PTPRQ: variants seen among roughly 807,000 people sequenced by gnomAD.
PTPRQ encodes protein tyrosine phosphatase receptor type Q, also known as phosphatidylinositol phosphatase PTPRQ.
Under a neutral mutation model 246.0 loss-of-function variants are expected in PTPRQ, and 199 were observed. The observed-to-expected ratio is 0.81, with a 90% CI of 0.72 to 0.91. The LOEUF is 0.91. PTPRQ is among the 40% of genes least tolerant of loss of function. The pLI is 0.00. For missense variants in PTPRQ, 2,624 were observed against 2,528.4 expected, an observed-to-expected ratio of 1.04 and a Z score of -0.81; for synonymous variants, 869 against 853.2, an observed-to-expected ratio of 1.02 and a Z score of -0.32.
At chr12:80,560,646 CACATACAT>C (rs1181658769) in intron 25 of PTPRQ, among the ~76,000 whole-genome samples, 1 of 152,146 alleles carries the variant, frequency 6.6e-6, no homozygotes, top group Non-Finnish European at 1.5e-5. Context: ...GTTTAAGATA[CACATACAT>C]ACAACACAGA....
rs1340283823 is a variant in PTPRQ at position 80,546,573 on chromosome 12, A to T, written c.3891A>T (p.Lys1297Asn). The T allele has an allele frequency of 6.5e-7, 1 of 1,548,616 alleles. No homozygotes were observed. Among genetic ancestry groups the T allele is most frequent in the African/African-American group, 1.4e-5 (1 of 73,010 alleles). ...TTTTTCAGAATATATCAGGATTTAAAACTGAAGCCAAACTTGTTGGACTGG... is the reference window on the plus strand; with the variant it reads ...TTTTTCAGAATATATCAGGATTTAATACTGAAGCCAAACTTGTTGGACTGG... ...TIYYKNISGF[K>N]TEAKLVGLEP... The change falls in exon 24 of 45, where the codon AAA becomes AAT. Residue 1297 changes from lysine (K) to asparagine (N), a missense_variant. Transcript: ENST00000644991.
At chr12:80,478,720 G>T (rs1356498447) in intron 8 of PTPRQ, among the ~76,000 whole-genome samples, 1 of 152,190 alleles carries the variant, frequency 6.6e-6, no homozygotes, top group African/African-American at 2.4e-5. Flanking sequence ...CGAGAACTAC[G>T]TGAAGAATGC....
intron 28 of PTPRQ, among the ~76,000 whole-genome samples, chr12:80,612,365 A>G (rs1382451993): frequency 6.6e-6 from 1 of 150,514 alleles, no homozygotes; most frequent in Non-Finnish European, 1.5e-5. Flanking sequence ...CAGACATTTC[A>G]CCACAAAGGA....
chr12:80,461,143 C>T (rs1893152423), intron 6 of PTPRQ, among the ~76,000 whole-genome samples: 1 of 152,100 alleles, frequency 6.6e-6, no homozygotes, highest in South Asian at 2.1e-4. Flanking sequence ...TGACCGTGAT[C>T]CTCATATAGC....
At chr12:80,678,803 A>G in intron 44 of PTPRQ, 78 bp downstream of exon 44, 1 of 1,454,666 alleles carries the variant, frequency 6.9e-7, no homozygotes, top group Non-Finnish European at 9.1e-7. Context: ...GAATAACCAT[A>G]TGTTAAAAAT....
At chr12:80,652,882 G>A in intron 38 of PTPRQ, 48 bp downstream of exon 38, 2 of 1,414,618 alleles carry the variant, frequency 1.4e-6, no homozygotes, top group Non-Finnish European at 1.8e-6. Flanking sequence ...ATTTTTAAAT[G>A]CCTACCATCT....
intron 7 of PTPRQ, among the ~76,000 whole-genome samples, 182 bp downstream of exon 7, chr12:80,469,020 G>C (rs1158571775): frequency 1.3e-5 from 2 of 152,290 alleles, no homozygotes; most frequent in East Asian, 1.9e-4. Context: ...CCATAAATGA[G>C]TATAAGAATG....
chr12:80,591,038 T>C (rs1429168042), intron 26 of PTPRQ, among the ~76,000 whole-genome samples: 3 of 151,642 alleles, frequency 2.0e-5, no homozygotes, highest in Non-Finnish European at 2.9e-5. Flanking sequence ...TAATCTTATA[T>C]AATATCATGT....
chr12:80,580,898 T>C (rs1897413627), intron 25 of PTPRQ, among the ~76,000 whole-genome samples: 1 of 152,224 alleles, frequency 6.6e-6, no homozygotes, highest in Non-Finnish European at 1.5e-5. Context: ...AAATAACTCT[T>C]GCCTGGATTT....
chr12:80,459,554 C>A, intron 5 of PTPRQ, 71 bp downstream of exon 5: 1 of 397,432 alleles, frequency 2.5e-6, no homozygotes. Flanking sequence ...TTTCTAGCAT[C>A]TAGATACTAT....
In PTPRQ at chr12:80,455,342, A is replaced by T. The variant is rs11114459; in HGVS notation, c.391-2233A>T. On this transcript the variant is annotated intron_variant, in intron 3 of 44. Transcript: ENST00000644991. ...ACGTTTTCAAAAATAAATCAAGTTT[A>T]AATTAAATAATTTAGCCCTTATAAC... 5.2e-3 allele frequency among the ~76,000 whole-genome samples: 789 copies of T among 152,272 alleles called. 9 individuals are homozygous for T. The highest frequency in any genetic ancestry group is 0.019 in the African/African-American group (768 of 41,508).
At chr12:80,497,019 T>C (rs1049176019) in intron 14 of PTPRQ, among the ~76,000 whole-genome samples, 4 of 151,858 alleles carry the variant, frequency 2.6e-5, no homozygotes, top group Admixed American at 6.6e-5. Flanking sequence ...AAGGATGTTA[T>C]AGAGCAGGGG....
At chr12:80,542,946 C>A in intron 23 of PTPRQ, 65 bp downstream of exon 23, 1 of 1,128,124 alleles carries the variant, frequency 8.9e-7, no homozygotes, top group South Asian at 2.2e-5. Flanking sequence ...AATCTTTTGA[C>A]ATATAGGAGG....
intron 25 of PTPRQ, chr12:80,583,839 C>G (rs552637947): frequency 5.5e-4 from 83 of 152,264 alleles, no homozygotes; most frequent in African/African-American, 1.9e-3. Flanking sequence ...TTCAGGTTCA[C>G]GTGGTTGTGG....
intron 17 of PTPRQ, among the ~76,000 whole-genome samples, 176 bp from the exon 18 acceptor site, chr12:80,533,839 C>T (rs1346918631): frequency 1.3e-5 from 2 of 151,920 alleles, no homozygotes; most frequent in Non-Finnish European, 2.9e-5. Context: ...AGTTAATTTA[C>T]TAAAGAATTC....
chr12:80,509,238 T>C (rs1410469115), intron 16 of PTPRQ, among the ~76,000 whole-genome samples: 1 of 152,044 alleles, frequency 6.6e-6, no homozygotes, highest in Non-Finnish European at 1.5e-5. Context: ...TAAAATTTTT[T>C]TGGAAAATTA....
intron 21 of PTPRQ, 34 bp downstream of exon 21, chr12:80,541,879 A>T: frequency 6.7e-7 from 1 of 1,487,452 alleles, no homozygotes; most frequent in Non-Finnish European, 8.9e-7. Flanking sequence ...TGTTAAGCAG[A>T]TTGTTGTTCT....
At position 80,483,540 on chromosome 12, in the gene PTPRQ, AAAG is replaced by A. The variant is rs555792198; in HGVS notation, c.1187-890_1187-888del. Among the ~76,000 whole-genome samples, 414 of 152,258 alleles carry A rather than the reference AAAG, an allele frequency of 2.7e-3. 4 individuals are homozygous for A. The highest frequency in any genetic ancestry group is 9.4e-3 in the African/African-American group (392 of 41,560). Reference sequence around the variant, plus strand: ...TTAAAGTATAATAATAAAAGAAAAAAAAGAAATTTAGTATTAAATATCCATGTA... The same window carrying A: ...TTAAAGTATAATAATAAAAGAAAAAAAAATTTAGTATTAAATATCCATGTA... On this transcript the variant is annotated intron_variant, in intron 8 of 44. Coordinates refer to ENST00000644991, the MANE Select transcript of PTPRQ (RefSeq NM_001145026.2).
chr12:80,571,237 C>A (rs564288550), intron 25 of PTPRQ, among the ~76,000 whole-genome samples: 1 of 152,118 alleles, frequency 6.6e-6, no homozygotes, highest in Non-Finnish European at 1.5e-5. Flanking sequence ...CTCTGCCTCC[C>A]GGGTTCAAGT....
Sources: allele counts gnomAD v4.1 joint callset (sites outside exome capture counted in the v4.1 genomes callset), GRCh38; gene constraint gnomAD v4.1.1; transcripts MANE v1.5; gene names NCBI Gene and HGNC (gene_info 2026-07-23, HGNC 2026-07-21).